EYS: variants seen among roughly 807,000 people sequenced by gnomAD.
EYS encodes the protein protein eyes shut homolog.
EYS carries 250 observed loss-of-function variants against 282.1 expected under a neutral mutation model. The observed-to-expected ratio is 0.89, with a 90% CI of 0.80 to 0.98. The LOEUF (loss-of-function observed/expected upper bound fraction) is 0.98. EYS is among the 50% of genes least tolerant of loss of function. The pLI is 0.00. For missense variants in EYS, 4,016 were observed against 3,709.0 expected (o/e 1.08, Z -2.15); for synonymous variants, 1,355 against 1,282.9 (o/e 1.06, Z -1.20).
chr6:65,628,795 A>G (rs1766810865), intron 2 of EYS, among the ~76,000 whole-genome samples: 1 of 152,184 alleles, frequency 6.6e-6, no homozygotes, highest in South Asian at 2.1e-4. Flanking sequence ...TAAGAGCTGT[A>G]ACACTCACCG....
chr6:64,546,298 C>T (rs185701933), intron 26 of EYS, among the ~76,000 whole-genome samples: 1,900 of 152,210 alleles, frequency 0.012, 40 homozygotes, highest in African/African-American at 0.043. Flanking sequence ...ATAAATGGTG[C>T]TGGGAAAACT....
At chr6:64,041,968 AACTC>A (rs768942072) in intron 33 of EYS, among the ~76,000 whole-genome samples, 4 of 152,124 alleles carry the variant, frequency 2.6e-5, no homozygotes, top group Non-Finnish European at 4.4e-5. Context: ...ATGCATTTGA[AACTC>A]ACTCACTCCC....
At chr6:64,300,377 GT>G (rs775985985) in intron 30 of EYS, among the ~76,000 whole-genome samples, 30 of 152,058 alleles carry the variant, frequency 2.0e-4, no homozygotes, top group Non-Finnish European at 3.8e-4. Context: ...AATTTCTTGT[GT>G]TTCTTGTATA....
intron 11 of EYS, among the ~76,000 whole-genome samples, chr6:65,334,498 G>A (rs1769908452): frequency 6.6e-6 from 1 of 151,692 alleles, no homozygotes; most frequent in South Asian, 2.1e-4. Context: ...TCAAACTCTT[G>A]GCCTCAAGCT....
intron 26 of EYS, among the ~76,000 whole-genome samples, chr6:64,451,462 C>G (rs1469607019): frequency 2.6e-5 from 4 of 152,142 alleles, no homozygotes; most frequent in Non-Finnish European, 5.9e-5. Flanking sequence ...CCTTCTGAAA[C>G]TATTCCAATC....
chr6:65,566,496 T>C (rs1769285588), intron 2 of EYS, among the ~76,000 whole-genome samples: 1 of 152,182 alleles, frequency 6.6e-6, no homozygotes, highest in Admixed American at 6.5e-5. Flanking sequence ...TCCAAGTGTG[T>C]TTTTCTTTGC....
intron 2 of EYS, among the ~76,000 whole-genome samples, chr6:65,638,018 G>A (rs12207870): frequency 0.35 from 53,125 of 152,150 alleles, 11,655 homozygotes; most frequent in Non-Finnish European, 0.48. Flanking sequence ...GTTCCAGCTG[G>A]AGTCCACTAC....
At chr6:64,573,313 T>C (rs531498759) in intron 26 of EYS, among the ~76,000 whole-genome samples, 4 of 152,198 alleles carry the variant, frequency 2.6e-5, no homozygotes, top group Non-Finnish European at 5.9e-5. Context: ...CCTAAAGCCA[T>C]AAAAACCCTA....
intron 31 of EYS, among the ~76,000 whole-genome samples, chr6:64,090,881 C>G (rs1453393153): frequency 6.6e-6 from 1 of 152,068 alleles, no homozygotes; most frequent in African/African-American, 2.4e-5. Context: ...CCTAACTTGT[C>G]TTCATTCCTT....
chr6:64,510,157 T>A (rs145081769), intron 26 of EYS, among the ~76,000 whole-genome samples: 1 of 152,078 alleles, frequency 6.6e-6, no homozygotes, highest in Non-Finnish European at 1.5e-5. Flanking sequence ...AGGTAGAATA[T>A]CATAAAATGA....
chr6:64,264,943 C>A (rs376484881), intron 30 of EYS, among the ~76,000 whole-genome samples: 1 of 151,958 alleles, frequency 6.6e-6, no homozygotes, highest in Non-Finnish European at 1.5e-5. Flanking sequence ...ACATTGTCAA[C>A]GGCATGGATA....
rs1764735455 is a variant in EYS at position 65,362,155 on chromosome 6, A to G, written c.1300-8538T>C. Among the ~76,000 whole-genome samples, 3 of 152,138 alleles carry G rather than the reference A, an allele frequency of 2.0e-5. No homozygotes were observed. The South Asian group carries it at 6.2e-4, about 31-fold the overall frequency. ...TCATCACCAAGTATTTGATTTTCTC[A>G]TTTTAAGACATGATAATCACTATTA... On this transcript the variant is annotated intron_variant, in intron 8 of 42. Transcript: ENST00000503581.
At chr6:63,921,977 C>A (rs1015535198) in intron 35 of EYS, among the ~76,000 whole-genome samples, 1 of 152,054 alleles carries the variant, frequency 6.6e-6, no homozygotes, top group African/African-American at 2.4e-5. Context: ...TAAGTGGGGG[C>A]CTAACCTAAT....
intron 2 of EYS, among the ~76,000 whole-genome samples, chr6:65,562,720 T>C (rs1044955915): frequency 1.3e-5 from 2 of 152,084 alleles, no homozygotes; most frequent in African/African-American, 4.8e-5. Context: ...TGAAATGAAA[T>C]GAAATAAATA....
chr6:64,209,947 A>G (rs529930163), intron 31 of EYS, among the ~76,000 whole-genome samples: 17 of 152,064 alleles, frequency 1.1e-4, no homozygotes, highest in South Asian at 4.1e-4. Context: ...GACTTCCTTT[A>G]TGGTATTTCT....
chr6:64,940,427 G>C (rs1353983556), intron 15 of EYS, among the ~76,000 whole-genome samples: 1 of 151,802 alleles, frequency 6.6e-6, no homozygotes, highest in African/African-American at 2.4e-5. Context: ...AGAAATACTA[G>C]AAAATTTATA....
chr6:64,381,391 A>C (rs1036059688), intron 29 of EYS, among the ~76,000 whole-genome samples: 1 of 152,060 alleles, frequency 6.6e-6, no homozygotes, highest in African/African-American at 2.4e-5. Context: ...CATACACACA[A>C]AAATATATCA....
At chr6:65,268,027 A>T (rs1223298470) in intron 12 of EYS, among the ~76,000 whole-genome samples, 3 of 151,916 alleles carry the variant, frequency 2.0e-5, no homozygotes, top group African/African-American at 7.2e-5. Flanking sequence ...TATGCACAGG[A>T]TAATTGCTAA....
rs1562009462 is a variant in EYS at position 65,182,964 on chromosome 6, A to AT, written c.2023+112898dup. Among the ~76,000 whole-genome samples, 4 of 151,392 alleles carry AT rather than the reference A, an allele frequency of 2.6e-5. No individual in the cohort carries two copies. In the South Asian group the frequency reaches 6.3e-4, roughly 24 times the overall value. Reference sequence around the variant, plus strand: ...CCACCACGCCTGGCTGATTTTTTGTATTTTTTTGTAGAGACAGGATTTCCT... The same window carrying AT: ...CCACCACGCCTGGCTGATTTTTTGTATTTTTTTTGTAGAGACAGGATTTCCT... On this transcript the variant is annotated intron_variant, in intron 12 of 42. Coordinates refer to ENST00000503581, the MANE Select transcript of EYS (RefSeq NM_001142800.2).
Sources: allele counts gnomAD v4.1 joint callset (sites outside exome capture counted in the v4.1 genomes callset), GRCh38; gene constraint gnomAD v4.1.1; transcripts MANE v1.5; gene names NCBI Gene and HGNC (gene_info 2026-07-23, HGNC 2026-07-21).